The following SPAG9 variants were observed in gnomAD, a reference collection of about 807,000 sequenced individuals.
SPAG9 encodes sperm associated antigen 9, also known as C-Jun-amino-terminal kinase-interacting protein 4.
In SPAG9, 35 loss-of-function variants were observed where a neutral mutation model predicts 166.5. That is an observed-to-expected ratio of 0.21 (90% CI 0.16 to 0.28). SPAG9 has a LOEUF of 0.28. Among genes scored for constraint, SPAG9 ranks in the 10% least tolerant of loss-of-function variants. SPAG9 has a pLI of 1.00. For synonymous variants in SPAG9, 534 were observed against 565.5 expected (o/e 0.94, Z 0.79); for missense variants, 1,235 against 1,603.3 (o/e 0.77, Z 3.92).
chr17:51,117,708 C>CAAAAAAA (rs397856959), intron 1 of SPAG9, among the ~76,000 whole-genome samples: 3 of 41,736 alleles, frequency 7.2e-5, no homozygotes, highest in Admixed American at 3.3e-4. Flanking sequence ...GACTCCGTCT[C>CAAAAAAA]AAAAAAAAAA....
intron 1 of SPAG9, among the ~76,000 whole-genome samples, chr17:51,080,780 C>G (rs969889995): frequency 1.4e-5 from 2 of 146,218 alleles, no homozygotes; most frequent in African/African-American, 5.2e-5. Flanking sequence ...ACTTGGGAGG[C>G]TAAGGAAGGA....
chr17:51,046,883 AC>A, intron 4 of SPAG9: 1 of 1,522,638 alleles, frequency 6.6e-7, no homozygotes, highest in Non-Finnish European at 8.8e-7. Flanking sequence ...TTATGCAGCA[AC>A]CCCAAGCGAC....
At chr17:50,985,035 C>T in intron 23 of SPAG9, 45 bp from the exon 24 acceptor site, 1 of 1,549,152 alleles carries the variant, frequency 6.5e-7, no homozygotes, top group Non-Finnish European at 8.9e-7. Flanking sequence ...TTCAGGAATA[C>T]AGAAGGGACC....
intron 1 of SPAG9, among the ~76,000 whole-genome samples, chr17:51,109,342 T>C (rs983397042): frequency 1.2e-4 from 19 of 152,084 alleles, no homozygotes; most frequent in Non-Finnish European, 2.6e-4. Flanking sequence ...GTTCAAGTGA[T>C]TCTCTTGCTT....
rs1973341279 is a variant in SPAG9 at position 50,966,005 on chromosome 17, C to G, written c.*267G>C. 2.7e-6 allele frequency: 1 copy of G among 367,268 alleles called. No individual in the cohort carries two copies. Among genetic ancestry groups the G allele is most frequent in the South Asian group, 3.4e-5 (1 of 29,808 alleles). The allele number at this position is 367,268 out of a possible 1,614,324, so 22.8% of individuals were successfully genotyped here. A position where few individuals can be genotyped will look rare whatever the true frequency, so the allele number is the denominator to read the frequency against. ...GAGTAAACCACATCTGGATTGCTTT[C>G]TATAATTCACCAGTTTGCAGGAAGT... On this transcript the variant is annotated 3_prime_UTR_variant, in exon 30 of 30. Transcript: ENST00000262013.
At chr17:51,015,991 T>C (rs1323227128) in intron 8 of SPAG9, among the ~76,000 whole-genome samples, 4 of 152,058 alleles carry the variant, frequency 2.6e-5, no homozygotes, top group Non-Finnish European at 4.4e-5. Flanking sequence ...CATTAATTTT[T>C]AAAAAATCAA....
chr17:50,966,663 T>A (rs1222592469), intron 29 of SPAG9, among the ~76,000 whole-genome samples: 1 of 152,214 alleles, frequency 6.6e-6, no homozygotes. Flanking sequence ...CCCCAACATG[T>A]CTGCATACCG....
chr17:51,103,091 T>C (rs1236281235), intron 1 of SPAG9, among the ~76,000 whole-genome samples: 2 of 152,206 alleles, frequency 1.3e-5, no homozygotes, highest in Non-Finnish European at 1.5e-5. Context: ...TTTCTGTATA[T>C]GCAAAAGTGA....
At chr17:51,005,741 C>T (rs1011572079) in intron 11 of SPAG9, among the ~76,000 whole-genome samples, 6 of 152,234 alleles carry the variant, frequency 3.9e-5, no homozygotes, top group Non-Finnish European at 5.9e-5. Flanking sequence ...ATCCCAGCTA[C>T]TCAGAAGGCT....
At chr17:51,022,904 C>T (rs545358270) in intron 6 of SPAG9, among the ~76,000 whole-genome samples, 16 of 149,272 alleles carry the variant, frequency 1.1e-4, no homozygotes, top group Non-Finnish European at 2.2e-4. Flanking sequence ...GAGCTGAGAT[C>T]GCATCCAGTC....
chr17:51,099,827 C>G (rs1028495730), intron 1 of SPAG9, among the ~76,000 whole-genome samples: 1 of 147,462 alleles, frequency 6.8e-6, no homozygotes, highest in African/African-American at 2.5e-5. Flanking sequence ...CAGCCAGGCG[C>G]AGTGGCTCAC....
In SPAG9 at chr17:51,047,446, A is replaced by T; in HGVS notation, c.519T>A (p.His173Gln). ...HTEMIHNYME[H>Q]LERTKLHQLS... ...GCTGATGAAGTTTTGTTCTTTCTAA[A>T]TGTTCCATATAATTATGGATCATCT... Residue 173 changes from histidine to glutamine, a missense_variant, in exon 4 of 30, where the codon CAT becomes CAA. By Grantham distance (24) the His-to-Gln change is conservative. Around this residue, in one of 6 missense-constraint regions of SPAG9, gnomAD observed 288 missense variants for 323.7 expected, o/e 0.89. Coordinates refer to ENST00000262013, the MANE Select transcript of SPAG9 (RefSeq NM_001130528.3). 1 of 1,571,348 alleles carries T rather than the reference A, an allele frequency of 6.4e-7. No homozygotes were observed. The highest frequency in any genetic ancestry group is 8.7e-7 in the Non-Finnish European group (1 of 1,150,150).
In SPAG9 at chr17:51,069,217, A is replaced by G. The variant is rs577667302; in HGVS notation, c.424+10367T>C. ...CAAAAACACATATCATCATTAAAAT[A>G]TATATATATAAATCTTCGTAATCTA... On this transcript the variant is annotated intron_variant, in intron 2 of 29. Coordinates refer to ENST00000262013, the MANE Select transcript of SPAG9 (RefSeq NM_001130528.3). 9.2e-5 allele frequency among the ~76,000 whole-genome samples: 14 copies of G among 151,784 alleles called. No individual in the cohort carries two copies. The South Asian group carries it at 1.2e-3, about 13-fold the overall frequency.
chr17:51,084,474 C>T (rs570607247), intron 1 of SPAG9, among the ~76,000 whole-genome samples: 1 of 152,134 alleles, frequency 6.6e-6, no homozygotes, highest in Admixed American at 6.5e-5. Context: ...CTGCAACCTC[C>T]ATCTCCTGGC....
intron 5 of SPAG9, among the ~76,000 whole-genome samples, chr17:51,035,524 T>C (rs2046552573): frequency 6.6e-6 from 1 of 152,234 alleles, no homozygotes; most frequent in South Asian, 2.1e-4. Context: ...ATAGGAACAA[T>C]TTCAGAACTT....
At chr17:51,016,691 G>T (rs1275297742) in intron 8 of SPAG9, among the ~76,000 whole-genome samples, 1 of 152,096 alleles carries the variant, frequency 6.6e-6, no homozygotes, top group Non-Finnish European at 1.5e-5. Flanking sequence ...TGGATCATGA[G>T]GTCGGGAGTT....
Position 51,120,552 on chromosome 17 carries a change from G to A in SPAG9, c.105C>T (p.Phe35=). ...CGTCATAGCGCCCGATAAGCCGCTCGAACTCGCGGTAGATGGAGCCGGCCA... is the reference window on the plus strand; with the variant it reads ...CGTCATAGCGCCCGATAAGCCGCTCAAACTCGCGGTAGATGGAGCCGGCCA... ...SGLAGSIYRE[F]ERLIGRYDEE... The change falls in exon 1 of 30, where the codon TTC becomes TTT. Residue 35 remains phenylalanine (F), a synonymous_variant. Coordinates refer to ENST00000262013, the MANE Select transcript of SPAG9 (RefSeq NM_001130528.3). The surrounding 1 kb of genome is among the most constrained non-coding windows in gnomAD (Gnocchi z 4.7). 1 of 1,613,772 alleles carries A rather than the reference G, an allele frequency of 6.2e-7. No individual in the cohort carries two copies. Among genetic ancestry groups the A allele is most frequent in the Non-Finnish European group, 8.5e-7 (1 of 1,179,840 alleles).
intron 8 of SPAG9, among the ~76,000 whole-genome samples, chr17:51,015,639 T>A (rs975825354): frequency 1.3e-5 from 2 of 151,772 alleles, no homozygotes; most frequent in African/African-American, 2.4e-5. Flanking sequence ...CACTTAATTT[T>A]CTTCAGAATA....
intron 1 of SPAG9, among the ~76,000 whole-genome samples, chr17:51,082,714 A>C (rs2048199540): frequency 6.6e-6 from 1 of 152,248 alleles, no homozygotes; most frequent in South Asian, 2.1e-4. Context: ...CTTAGGTATC[A>C]CTACAATATA....
Sources: allele counts gnomAD v4.1 joint callset (sites outside exome capture counted in the v4.1 genomes callset), GRCh38; gene constraint gnomAD v4.1.1; regional missense constraint gnomAD v4.1.1; non-coding constraint Gnocchi (gnomAD v3.1); transcripts MANE v1.5; gene names NCBI Gene and HGNC (gene_info 2026-07-23, HGNC 2026-07-21).